KAZN: variants seen among roughly 807,000 people sequenced by gnomAD.
The protein encoded by KAZN is kazrin.
A neutral mutation model predicts 87.4 loss-of-function variants in KAZN; 40 were observed. The ratio of observed to expected loss-of-function variants is 0.46; its 90% CI spans 0.36 to 0.60. KAZN has a LOEUF of 0.60. Ranked by LOEUF, KAZN falls within the 20% of genes least tolerant of loss-of-function variation. KAZN has a pLI of 0.00. For synonymous variants in KAZN, 466 were observed against 458.3 expected (o/e 1.02, Z -0.22); for missense variants, 898 against 1,073.9 (o/e 0.84, Z 2.29).
At chr1:14,425,214 C>A (rs1026561239) in intron 2 of KAZN, among the ~76,000 whole-genome samples, 22 of 152,190 alleles carry the variant, frequency 1.4e-4, no homozygotes, top group Non-Finnish European at 1.9e-4. Context: ...ATTTGCAATG[C>A]CTGGCTTTAG....
intron 2 of KAZN, among the ~76,000 whole-genome samples, chr1:14,583,954 T>C (rs1484423680): frequency 2.0e-5 from 3 of 152,146 alleles, no homozygotes; most frequent in Non-Finnish European, 4.4e-5. Context: ...TGATTAATAG[T>C]CTGAATGAGT....
rs147745151 is a variant in KAZN at position 14,027,358 on chromosome 1, G to T, written c.91+133602G>T. ...GTAACCGGGTGACATCCCTGTAGCT[G>T]ATGCTAATGCCATAGCTCCCTAAAC... is the stretch of plus-strand genomic sequence containing the variant. On this transcript the variant is annotated intron_variant, in intron 1 of 16. Coordinates refer to the KAZN transcript ENST00000636203. Among the ~76,000 whole-genome samples, 24 of 152,296 alleles carry T rather than the reference G, an allele frequency of 1.6e-4. No individual in the cohort carries two copies. The East Asian group carries it at 4.1e-3, about 26-fold the overall frequency.
At chr1:14,734,725 CA>C (rs1362369115) in intron 1 of KAZN, among the ~76,000 whole-genome samples, 1 of 152,238 alleles carries the variant, frequency 6.6e-6, no homozygotes, top group South Asian at 2.1e-4. Context: ...ATGGCATGTA[CA>C]TGACATGTAA....
At chr1:14,776,186 T>C (rs964305689) in intron 1 of KAZN, among the ~76,000 whole-genome samples, 1 of 152,146 alleles carries the variant, frequency 6.6e-6, no homozygotes, top group Non-Finnish European at 1.5e-5. Context: ...GTATTTTTAG[T>C]AGAGACAGGG....
chr1:14,053,631 C>A (rs557042359), intron 1 of KAZN, among the ~76,000 whole-genome samples: 1 of 152,234 alleles, frequency 6.6e-6, no homozygotes, highest in African/African-American at 2.4e-5. Flanking sequence ...CTTCATGGGA[C>A]CTAGGTACTT....
rs566324161 is a variant in KAZN, at chr1:14,366,523, G to C, written c.249+185931G>C. On this transcript the variant is annotated intron_variant, in intron 2 of 16. Coordinates refer to the KAZN transcript ENST00000636203. ...GGCACTGGAGCTAGCCAGCTGCTTC[G>C]GCGCCAGCAGGGGCAGACTCCATTC... 2.6e-5 allele frequency among the ~76,000 whole-genome samples: 4 copies of C among 152,188 alleles called. No individual in the cohort carries two copies. The South Asian group carries it at 6.2e-4, about 24-fold the overall frequency.
At chr1:14,192,607 G>A (rs745436513) in intron 2 of KAZN, among the ~76,000 whole-genome samples, 9 of 152,116 alleles carry the variant, frequency 5.9e-5, no homozygotes, top group East Asian at 1.9e-4. Context: ...ACTAGTGTTC[G>A]TAAGTGATGT....
chr1:15,080,925 T>C (rs530584466), intron 8 of KAZN, among the ~76,000 whole-genome samples: 10 of 152,314 alleles, frequency 6.6e-5, no homozygotes, highest in African/African-American at 2.4e-4. Context: ...CTGCTACATG[T>C]CCTACGATGC....
chr1:15,012,522 A>G (rs1165174661), intron 2 of KAZN, among the ~76,000 whole-genome samples: 1 of 152,096 alleles, frequency 6.6e-6, no homozygotes, highest in Non-Finnish European at 1.5e-5. Context: ...AAGCTAGACA[A>G]CCCCAGTTTC....
intron 1 of KAZN, among the ~76,000 whole-genome samples, chr1:14,066,958 A>C (rs1643032561): frequency 6.6e-6 from 1 of 152,120 alleles, no homozygotes; most frequent in Non-Finnish European, 1.5e-5. Context: ...GGCTCAGCCT[A>C]AATGTCACTT....
rs181222619 is a variant in KAZN, at chr1:14,712,701, C to T, written c.226+113478C>T. On this transcript the variant is annotated intron_variant, in intron 1 of 14. Coordinates refer to ENST00000376030, the MANE Select transcript of KAZN (RefSeq NM_201628.3). ...TCTATTATTACCCGAAAAACCAAAG[C>T]TGAGCCTCCACAGGGAAAGAAACAA... 1.1e-4 allele frequency among the ~76,000 whole-genome samples: 16 copies of T among 152,306 alleles called. No homozygotes were observed. In the East Asian group the frequency reaches 2.7e-3, roughly 26 times the overall value.
chr1:15,094,763 AC>A lies in KAZN; in HGVS notation c.1429-48del. ...TCAACAGACCCCCTCTAGGGCAGGA[AC>A]CCCGCCGGCAGCTGTCCCAGCCCCC... is the stretch of plus-strand genomic sequence containing the variant. On this transcript the variant is annotated intron_variant, in intron 9 of 14. Coordinates refer to ENST00000376030, the MANE Select transcript of KAZN (RefSeq NM_201628.3). The surrounding 1 kb of genome is among the most constrained non-coding windows in gnomAD (Gnocchi z 4.5). 1 of 1,395,626 alleles carries A rather than the reference AC, an allele frequency of 7.2e-7. No homozygotes were observed. The allele number at this position is 1,395,626 out of a possible 1,614,324, so 86.5% of individuals were successfully genotyped here.
intron 1 of KAZN, among the ~76,000 whole-genome samples, chr1:14,659,657 G>A (rs1016385226): frequency 2.0e-5 from 3 of 152,166 alleles, no homozygotes; most frequent in African/African-American, 7.2e-5. Flanking sequence ...GATGAAGACA[G>A]CATTTAAAGC....
chr1:15,071,996 G>A (rs1573250515), intron 8 of KAZN, among the ~76,000 whole-genome samples: 1 of 152,086 alleles, frequency 6.6e-6, no homozygotes, highest in South Asian at 2.1e-4. Context: ...ATTTGCCTTC[G>A]GGAAGTCATT....
At chr1:14,098,389 G>T (rs1014124714) in intron 1 of KAZN, among the ~76,000 whole-genome samples, 1 of 152,170 alleles carries the variant, frequency 6.6e-6, no homozygotes, top group African/African-American at 2.4e-5. Flanking sequence ...TATTTTGCCA[G>T]TGGTGGATGA....
intron 2 of KAZN, among the ~76,000 whole-genome samples, chr1:14,260,715 A>G (rs11582145): frequency 0.042 from 6,409 of 152,310 alleles, 196 homozygotes; most frequent in Middle Eastern, 0.15. Context: ...CAAATTCTGT[A>G]GCAGTTCCTA....
chr1:14,001,294 A>G (rs1249326684), intron 1 of KAZN, among the ~76,000 whole-genome samples: 2 of 152,176 alleles, frequency 1.3e-5, no homozygotes, highest in Non-Finnish European at 1.5e-5. Context: ...TGCAGCTAAC[A>G]AGGGATATGA....
At chr1:14,280,799 C>G (rs890941043) in intron 2 of KAZN, among the ~76,000 whole-genome samples, 1 of 152,182 alleles carries the variant, frequency 6.6e-6, no homozygotes, top group African/African-American at 2.4e-5. Flanking sequence ...TTATAAGCAC[C>G]TACATATATG....
At chr1:14,391,466 A>T (rs1166538171) in intron 2 of KAZN, 1 of 152,402 alleles carries the variant, frequency 6.6e-6, no homozygotes, top group Non-Finnish European at 1.5e-5. Context: ...TACTCCGGGG[A>T]AACCAACAAC....
Sources: gnomAD v4.1 joint callset for allele counts (sites outside exome capture counted in the v4.1 genomes callset) on GRCh38, gnomAD v4.1.1 for gene constraint, Gnocchi (gnomAD v3.1) non-coding constraint, MANE v1.5 for transcripts, NCBI Gene and HGNC (gene_info 2026-07-23, HGNC 2026-07-21) for gene names.